Variants in RPS6KC1 observed in about 807,000 individuals in gnomAD.
RPS6KC1 encodes ribosomal protein S6 kinase C1, also known as inactive ribosomal protein S6 kinase delta-1.
Under a neutral mutation model 103.8 loss-of-function variants are expected in RPS6KC1, and 54 were observed. That is an observed-to-expected ratio of 0.52 (90% confidence interval 0.42 to 0.65). The LOEUF is 0.65. RPS6KC1 is among the 30% of genes least tolerant of loss of function. The probability of loss-of-function intolerance (pLI) is 0.00; values close to 1 mark genes in which losing one functional copy is unlikely to be tolerated. For missense variants in RPS6KC1, 1,151 were observed against 1,253.8 expected, an observed-to-expected ratio of 0.92 and a Z score of 1.24; for synonymous variants, 439 against 438.7, an observed-to-expected ratio of 1.00 and a Z score of -0.01.
At chr1:213,811,201 ACT>A in the RPS6KC1 span, among the ~76,000 whole-genome samples, 1 of 151,966 alleles carries the variant, frequency 6.6e-6, no homozygotes, top group Non-Finnish European at 1.5e-5. Context: ...TACATTTAAC[ACT>A]CTGAGATTTT....
At chr1:213,726,265 C>T in the RPS6KC1 span, among the ~76,000 whole-genome samples, 7 of 152,262 alleles carry the variant, frequency 4.6e-5, no homozygotes, top group East Asian at 1.4e-3. Context: ...TTTAATTTTT[C>T]TGGAGAGAGG....
At chr1:213,278,430 T>C (rs986582299), downstream of RPS6KC1, among the ~76,000 whole-genome samples, 2 of 152,216 alleles carry the variant, frequency 1.3e-5, no homozygotes, top group Non-Finnish European at 2.9e-5. Flanking sequence ...AGGTAATGTT[T>C]GCAAGACATT....
At chr1:213,086,854 A>G (rs1297531363) in intron 3 of RPS6KC1, among the ~76,000 whole-genome samples, 1 of 152,140 alleles carries the variant, frequency 6.6e-6, no homozygotes, top group Non-Finnish European at 1.5e-5. Context: ...TATTATATAG[A>G]TATACATATA....
intron 12 of RPS6KC1, among the ~76,000 whole-genome samples, chr1:213,252,959 T>A (rs2149035418): frequency 6.6e-6 from 1 of 152,324 alleles, no homozygotes; most frequent in South Asian, 2.1e-4. Context: ...TTTAATTAAA[T>A]TTTCTATGAC....
At chr1:213,543,207 G>T in the RPS6KC1 span, among the ~76,000 whole-genome samples, 1 of 152,204 alleles carries the variant, frequency 6.6e-6, no homozygotes, top group African/African-American at 2.4e-5. Context: ...GTTGGGCTTG[G>T]CTGTGAGGAC....
chr1:213,517,684 G>A, the RPS6KC1 span, among the ~76,000 whole-genome samples: 15 of 152,310 alleles, frequency 9.8e-5, no homozygotes, highest in East Asian at 2.9e-3. Flanking sequence ...GTGGTGTGGT[G>A]CTGAAAAGAA....
chr1:213,136,260 T>G (rs978205751), intron 6 of RPS6KC1, among the ~76,000 whole-genome samples: 3 of 152,152 alleles, frequency 2.0e-5, no homozygotes, highest in African/African-American at 7.2e-5. Flanking sequence ...CCCTCATAGC[T>G]CCAATAAAAG....
chr1:213,391,858 G>A, the RPS6KC1 span, among the ~76,000 whole-genome samples: 1 of 152,072 alleles, frequency 6.6e-6, no homozygotes, highest in African/African-American at 2.4e-5. Flanking sequence ...GAGATGCAGG[G>A]CCAAATATGT....
chr1:213,785,558 T>G, the RPS6KC1 span, among the ~76,000 whole-genome samples: 14 of 151,716 alleles, frequency 9.2e-5, no homozygotes, highest in African/African-American at 3.2e-4. Context: ...TTTTAATGAG[T>G]GTTAGTGATG....
chr1:213,785,322 G>A, the RPS6KC1 span, among the ~76,000 whole-genome samples: 214 of 152,172 alleles, frequency 1.4e-3, 1 homozygote, highest in Middle Eastern at 3.4e-3. Context: ...TTAGAAATAG[G>A]AAGCAGAGGT....
the RPS6KC1 span, among the ~76,000 whole-genome samples, chr1:213,372,206 G>A: frequency 6.6e-6 from 1 of 152,240 alleles, no homozygotes; most frequent in Non-Finnish European, 1.5e-5. Context: ...GTGCTGCTGA[G>A]AGAGGGGTGT....
rs1186463024 is a variant in RPS6KC1, at chr1:213,241,343, A to G, written c.1867A>G (p.Ser623Gly). The change falls in exon 11 of 15, where the codon AGT becomes GGT. Residue 623 changes from serine to glycine, a missense_variant. Physicochemically the swap from Ser to Gly is moderately conservative, Grantham distance 56 (BLOSUM62 0). This residue lies in a region of RPS6KC1 where 959 missense variants were observed against 1,006.3 expected (regional missense o/e 0.95). Transcript: ENST00000366960. Reference sequence around the variant, plus strand: ...ACTTGACTTTGGAGAAAAATTGTATAGTCTAAAATCAGAACCTTTGAAACC... The same window carrying G: ...ACTTGACTTTGGAGAAAAATTGTATGGTCTAAAATCAGAACCTTTGAAACC... ...LGLDFGEKLYSLKSEPLKPFF... is the reference protein window; with the variant it reads ...LGLDFGEKLYGLKSEPLKPFF... 6.2e-7 allele frequency: 1 copy of G among 1,614,000 alleles called. No homozygotes were observed. The highest frequency in any genetic ancestry group is 1.1e-5 in the South Asian group (1 of 91,082).
At chr1:213,316,398 G>A in the RPS6KC1 span, among the ~76,000 whole-genome samples, 2 of 152,214 alleles carry the variant, frequency 1.3e-5, no homozygotes, top group African/African-American at 4.8e-5. Flanking sequence ...TGTTTAGTCC[G>A]AGGAAGAGAT....
chr1:213,090,337 C>T (rs2080849154), intron 3 of RPS6KC1, among the ~76,000 whole-genome samples: 1 of 152,160 alleles, frequency 6.6e-6, no homozygotes, highest in Non-Finnish European at 1.5e-5. Flanking sequence ...TGACAAGACC[C>T]TAAGCTGCAT....
At chr1:213,562,554 T>A in the RPS6KC1 span, among the ~76,000 whole-genome samples, 1 of 151,756 alleles carries the variant, frequency 6.6e-6, no homozygotes, top group Admixed American at 6.6e-5. Context: ...CACGCCCGGC[T>A]AACTTTTTGT....
At chr1:213,762,752 C>G in the RPS6KC1 span, among the ~76,000 whole-genome samples, 2 of 151,858 alleles carry the variant, frequency 1.3e-5, no homozygotes, top group African/African-American at 4.8e-5. Flanking sequence ...GTGTGAGGAC[C>G]TTTTTTGAAC....
chr1:213,233,444 G>A (rs546415081), intron 10 of RPS6KC1, among the ~76,000 whole-genome samples: 7 of 152,232 alleles, frequency 4.6e-5, no homozygotes, highest in Admixed American at 6.5e-5. Context: ...AATAACTTGC[G>A]TAGTAATAAT....
intron 4 of RPS6KC1, 68 bp downstream of exon 4, chr1:213,104,637 T>TA (rs1482345625): frequency 1.2e-5 from 10 of 824,312 alleles, no homozygotes; most frequent in South Asian, 8.1e-5. Flanking sequence ...TAAAGTAAAA[T>TA]AAAAAATGCC....
chr1:213,165,076 A>G lies in RPS6KC1; in HGVS notation c.836-2782A>G, dbSNP rs186438561. Among the ~76,000 whole-genome samples, 106 of 152,256 alleles carry G rather than the reference A, an allele frequency of 7.0e-4. 6 individuals carry two copies. Among genetic ancestry groups the G allele is most frequent in the South Asian group, 6.2e-4 (3 of 4,826 alleles). On this transcript the variant is annotated intron_variant, in intron 6 of 14. Transcript: ENST00000366960. The stretch of plus-strand genomic sequence containing the variant: ...CTAGTTAGAAATATCCTGGAAATCT[A>G]TAGAGTCATCTTTTTTTTTTTCTGG...
Sources: allele counts gnomAD v4.1 joint callset (sites outside exome capture counted in the v4.1 genomes callset), GRCh38; gene constraint gnomAD v4.1.1; regional missense constraint gnomAD v4.1.1; transcripts MANE v1.5; gene names NCBI Gene and HGNC (gene_info 2026-07-23, HGNC 2026-07-21).